The following CHST5 variants were observed in gnomAD, a reference collection of about 807,000 sequenced individuals.
CHST5 encodes the protein GST4-alpha.
For synonymous variants in CHST5, 313 were observed against 279.2 expected (o/e 1.12, Z -1.21); for missense variants, 637 against 602.1 (o/e 1.06, Z -0.61).
chr16:75,530,871 G>C lies in CHST5; in HGVS notation c.-487C>G, dbSNP rs181562007. 7 of 999,868 alleles carry C rather than the reference G, an allele frequency of 7.0e-6. No homozygotes were observed. The East Asian group carries it at 5.6e-4, about 80-fold the overall frequency. 61.9% of individuals were successfully genotyped at this position (999,868 alleles called of 1,614,324 possible). A position where few individuals can be genotyped will look rare whatever the true frequency, so the allele number is the denominator to read the frequency against. On this transcript the variant is annotated 5_prime_UTR_variant, in exon 4 of 4. Transcript: ENST00000336257. ...GATCACTTTACCCGTGTGTGAAAGA[G>C]GGATAATTCCGGTACCTGGCTCACA... is the stretch of plus-strand genomic sequence containing the variant.
intron 3 of CHST5, among the ~76,000 whole-genome samples, chr16:75,532,437 T>C (rs1474930170): frequency 6.6e-6 from 1 of 152,212 alleles, no homozygotes; most frequent in Non-Finnish European, 1.5e-5. Flanking sequence ...GTTTTCTCCT[T>C]GCTCCTGCAT....
At position 75,529,728 on chromosome 16, in the gene CHST5, G is replaced by A. The variant is rs561903180; in HGVS notation, c.657C>T (p.Ile219=). The A allele has an allele frequency of 2.0e-5, 33 of 1,612,798 alleles. No individual in the cohort carries two copies. Among genetic ancestry groups the A allele is most frequent in the African/African-American group, 5.3e-5 (4 of 75,014 alleles). Reference sequence around the variant, plus strand: ...CCCGCGGGTCGCGCACCAGGTGCACGATGCGCAGGTTGAGCGCGGGGTCGC... The same window carrying A: ...CCCGCGGGTCGCGCACCAGGTGCACAATGCGCAGGTTGAGCGCGGGGTCGC... The part of the protein sequence containing the change: ...LLSDPALNLR[I]VHLVRDPRAV... Residue 219 remains isoleucine, a synonymous_variant, in exon 4 of 4, where the codon ATC becomes ATT. Coordinates refer to ENST00000336257, the MANE Select transcript of CHST5 (RefSeq NM_024533.5).
chr16:75,529,913 T>C lies in CHST5; in HGVS notation c.472A>G (p.Ser158Gly). The change falls in exon 4 of 4, where the codon AGC becomes GGC. Residue 158 changes from serine (S) to glycine (G), a missense_variant. Ser to Gly is a moderately conservative substitution (Grantham distance 56, BLOSUM62 0). Coordinates refer to ENST00000336257, the MANE Select transcript of CHST5 (RefSeq NM_024533.5). Reference protein sequence around the residue: ...SRALCSPPACSAFPRGTISKQ... With the variant: ...SRALCSPPACGAFPRGTISKQ... Reference sequence around the variant, plus strand: ...CTGATGGTGCCTCGGGGAAAGGCGCTGCAGGCGGGCGGCGAGCACAGCGCG... The same window carrying C: ...CTGATGGTGCCTCGGGGAAAGGCGCCGCAGGCGGGCGGCGAGCACAGCGCG... 1.9e-6 allele frequency: 3 copies of C among 1,613,324 alleles called. No individual in the cohort carries two copies. Among genetic ancestry groups the C allele is most frequent in the South Asian group, 1.1e-5 (1 of 91,074 alleles).
At chr16:75,532,689 C>G (rs1013574111) in intron 3 of CHST5, among the ~76,000 whole-genome samples, 2 of 152,218 alleles carry the variant, frequency 1.3e-5, no homozygotes, top group African/African-American at 4.8e-5. Context: ...ACAAGTGCAA[C>G]TGTACTTTTT....
chr16:75,530,041 C>T lies in CHST5; in HGVS notation c.344G>A (p.Arg115His). 1.9e-6 allele frequency: 3 copies of T among 1,613,422 alleles called. No homozygotes were observed. Among genetic ancestry groups the T allele is most frequent in the Non-Finnish European group, 2.5e-6 (3 of 1,179,980 alleles). The part of the protein sequence containing the change: ...GSAATLHMAV[R>H]DLMRSIFLCD... ...CAAAAAGATAGAGCGCATCAGGTCG[C>T]GCACGGCCATGTGCAGCGTTGCCGC... The change falls in exon 4 of 4, where the codon CGC becomes CAC. Residue 115 changes from arginine to histidine, a missense_variant. Physicochemically the swap from Arg to His is conservative, Grantham distance 29. Coordinates refer to ENST00000336257, the MANE Select transcript of CHST5 (RefSeq NM_024533.5).
chr16:75,532,905 A>C (rs1042691040), intron 3 of CHST5, among the ~76,000 whole-genome samples, 184 bp downstream of exon 3: 6 of 152,080 alleles, frequency 3.9e-5, no homozygotes, highest in African/African-American at 1.4e-4. Context: ...GAAAGCTGGG[A>C]CTCCAGGACT....
chr16:75,535,874 C>A (rs547727455), intron 1 of CHST5, among the ~76,000 whole-genome samples, 170 bp downstream of exon 1: 16 of 152,340 alleles, frequency 1.1e-4, no homozygotes, highest in South Asian at 2.1e-4. Context: ...CCTCACCCCC[C>A]CAATCGCCAG....
Position 75,531,644 on chromosome 16 carries a change from G to A in CHST5, c.-1256-4C>T, listed in dbSNP as rs1336229743. On this transcript the variant is annotated splice_polypyrimidine_tract_variant and splice_region_variant and intron_variant, in intron 3 of 3. Coordinates refer to ENST00000336257, the MANE Select transcript of CHST5 (RefSeq NM_024533.5). ...TCCATGGGAGATGTCTCGACATCTG[G>A]CAAAGCAGGAAGGAGAGGAGATCAG... is the stretch of plus-strand genomic sequence containing the variant. 2 of 1,303,000 alleles carry A rather than the reference G, an allele frequency of 1.5e-6. No homozygotes were observed. Among genetic ancestry groups the A allele is most frequent in the Admixed American group, 2.3e-5 (1 of 43,542 alleles). 80.7% of individuals were successfully genotyped at this position (1,303,000 alleles called of 1,614,324 possible).
Position 75,534,038 on chromosome 16 carries a change from CAAAAAAAA to C in CHST5, c.-1351-863_-1351-856del, listed in dbSNP as rs35062691. 3.4e-4 allele frequency among the ~76,000 whole-genome samples: 28 copies of C among 81,240 alleles called. No individual in the cohort carries two copies. In the South Asian group the frequency reaches 5.9e-3, roughly 17 times the overall value. The allele number at this position is 81,240 out of a possible 152,430, so 53.3% of individuals were successfully genotyped here. On this transcript the variant is annotated intron_variant, in intron 2 of 3. Coordinates refer to ENST00000336257, the MANE Select transcript of CHST5 (RefSeq NM_024533.5). ...GGGCAACAGGAGCAAAACTCCATATCAAAAAAAAAAAAAAAAAAAAAAAAATTAGGCCA... is the reference window on the plus strand; with the variant it reads ...GGGCAACAGGAGCAAAACTCCATATCAAAAAAAAAAAAAAAAATTAGGCCA...
chr16:75,534,413 C>T (rs939439883), intron 2 of CHST5, among the ~76,000 whole-genome samples: 3 of 150,754 alleles, frequency 2.0e-5, no homozygotes, highest in Non-Finnish European at 4.4e-5. Context: ...TTGGGAGCCT[C>T]AGCGGGGCGG....
Position 75,531,094 on chromosome 16 carries a change from G to C in CHST5, c.-710C>G. 1 of 971,212 alleles carries C rather than the reference G, an allele frequency of 1.0e-6. No individual in the cohort carries two copies. Among genetic ancestry groups the C allele is most frequent in the Non-Finnish European group, 1.2e-6 (1 of 803,940 alleles). 60.2% of individuals were successfully genotyped at this position (971,212 alleles called of 1,614,324 possible). A position where few individuals can be genotyped will look rare whatever the true frequency, so the allele number is the denominator to read the frequency against. On this transcript the variant is annotated 5_prime_UTR_variant, in exon 4 of 4. Coordinates refer to ENST00000336257, the MANE Select transcript of CHST5 (RefSeq NM_024533.5). ...TCCCAGCATTATGGGAGGCCGAGGC[G>C]GGCGGATCACGAGGTCAGGAGATCG...
rs764290750 is a variant in CHST5, at chr16:75,529,672, G to GGGA, written c.712_713insTCC (p.Gly237_Pro238insLeu). On this transcript the variant is annotated inframe_insertion, in exon 4 of 4. Coordinates refer to ENST00000336257, the MANE Select transcript of CHST5 (RefSeq NM_024533.5). ...GATGCCGTTGTCGCGTGCCAGTATCGGGCCCGCCGCCTCCCGGGAGCGCAG... is the reference window on the plus strand; with the variant it reads ...GATGCCGTTGTCGCGTGCCAGTATCGGGAGGCCCGCCGCCTCCCGGGAGCGCAG... The GGGA allele has an allele frequency of 4.3e-6, 7 of 1,610,240 alleles. No homozygotes were observed. The highest frequency in any genetic ancestry group is 5.9e-6 in the Non-Finnish European group (7 of 1,178,386).
Position 75,529,349 on chromosome 16 carries a change from T to C in CHST5, c.1036A>G (p.Arg346Gly). Residue 346 changes from arginine to glycine, a missense_variant, in exon 4 of 4, where the codon AGG becomes GGG. Physicochemically the swap from Arg to Gly is moderately radical, Grantham distance 125. Transcript: ENST00000336257. ...KPIEAFHTSS[R>G]NARNVSQAWR... ...GCCTGGGAGACGTTGCGCGCATTCC[T>C]AGACGAAGTATGGAAGGCCTCGATT... The C allele has an allele frequency of 1.2e-6, 2 of 1,613,226 alleles. No homozygotes were observed. Among genetic ancestry groups the C allele is most frequent in the Non-Finnish European group, 1.7e-6 (2 of 1,179,908 alleles).
In CHST5 at chr16:75,533,545, G is replaced by A. The variant is rs193043263; in HGVS notation, c.-1351-362C>T. Among the ~76,000 whole-genome samples the A allele has an allele frequency of 9.3e-3, 1,415 of 152,068 alleles. 22 individuals are homozygous for A. Among genetic ancestry groups the A allele is most frequent in the South Asian group, 0.013 (62 of 4,802 alleles). ...TTCCGTTTTTTGATTCTTTTCTGGGGGCACATATTTATTACATGTTTAATT... is the reference window on the plus strand; with the variant it reads ...TTCCGTTTTTTGATTCTTTTCTGGGAGCACATATTTATTACATGTTTAATT... On this transcript the variant is annotated intron_variant, in intron 2 of 3. Coordinates refer to ENST00000336257, the MANE Select transcript of CHST5 (RefSeq NM_024533.5).
Position 75,530,265 on chromosome 16 carries a change from G to A in CHST5, c.120C>T (p.Thr40=). ...AGATGATGAAGAGCAGGAGGCAGGT[G>A]GTCTGTGCCAGGAGGAGCACTGTCA... ...KTVTVLLLAQ[T]TCLLLFIISR... The change falls in exon 4 of 4, where the codon ACC becomes ACT. Residue 40 remains threonine, a synonymous_variant. Transcript: ENST00000336257. The A allele has an allele frequency of 6.2e-7, 1 of 1,613,316 alleles. No individual in the cohort carries two copies. Among genetic ancestry groups the A allele is most frequent in the Non-Finnish European group, 8.5e-7 (1 of 1,179,866 alleles).
At chr16:75,533,471 CA>C (rs1186661199) in intron 2 of CHST5, among the ~76,000 whole-genome samples, 3 of 152,186 alleles carry the variant, frequency 2.0e-5, no homozygotes, top group Non-Finnish European at 4.4e-5. Flanking sequence ...AGCCTTTGTC[CA>C]GTGAACTCTT....
At chr16:75,534,481 T>C (rs941686872) in intron 2 of CHST5, among the ~76,000 whole-genome samples, 6 of 151,972 alleles carry the variant, frequency 3.9e-5, no homozygotes, top group African/African-American at 1.2e-4. Flanking sequence ...CCGTCTCTAG[T>C]AAAAATACAA....
Position 75,530,176 on chromosome 16 carries a change from G to C in CHST5, c.209C>G (p.Ser70Trp), listed in dbSNP as rs1444039409. The change falls in exon 4 of 4, where the codon TCG (serine) becomes TGG (tryptophan). Residue 70 changes from serine to tryptophan, a missense_variant. By Grantham distance (177) the Ser-to-Trp change is radical. Coordinates refer to ENST00000336257, the MANE Select transcript of CHST5 (RefSeq NM_024533.5). ...EDRVHVLVLS[S>W]WRSGSSFLGQ... ...CAAGAAGGATGAGCCCGAGCGCCAC[G>C]AGGACAGCACCAGCACGTGCACACG... 6 of 1,613,534 alleles carry C rather than the reference G, an allele frequency of 3.7e-6. No homozygotes were observed. The highest frequency in any genetic ancestry group is 5.1e-6 in the Non-Finnish European group (6 of 1,180,012).
intron 3 of CHST5, 88 bp downstream of exon 3, chr16:75,533,000 GC>G (rs965130807): frequency 5.9e-5 from 37 of 629,922 alleles, no homozygotes; most frequent in African/African-American, 4.2e-4. Flanking sequence ...GCAGGACCCT[GC>G]TGCTCTGGCC....
Sources: gnomAD v4.1 joint callset for allele counts (sites outside exome capture counted in the v4.1 genomes callset) on GRCh38, gnomAD v4.1.1 for gene constraint, MANE v1.5 for transcripts, NCBI Gene and HGNC (gene_info 2026-07-23, HGNC 2026-07-21) for gene names.